The following RPS6KA5 variants were observed in gnomAD, a reference collection of about 807,000 sequenced individuals.
RPS6KA5 encodes ribosomal protein S6 kinase alpha-5.
RPS6KA5 carries 27 observed loss-of-function variants against 85.5 expected under a neutral mutation model. The ratio of observed to expected loss-of-function variants is 0.32; its 90% CI spans 0.23 to 0.44. The LOEUF is 0.44. Among genes scored for constraint, RPS6KA5 ranks in the 20% least tolerant of loss-of-function variants. The pLI, the probability that RPS6KA5 is intolerant of heterozygous loss-of-function variation, is 1.00. For missense variants in RPS6KA5, 811 were observed against 980.9 expected (o/e 0.83, Z 2.31); for synonymous variants, 334 against 348.2 (o/e 0.96, Z 0.46).
chr14:90,929,781 CG>C (rs1299955661), intron 5 of RPS6KA5, among the ~76,000 whole-genome samples: 3 of 152,086 alleles, frequency 2.0e-5, no homozygotes, highest in Non-Finnish European at 2.9e-5. Context: ...GGACGAAGGT[CG>C]GGGGAAAGGA....
At chr14:90,875,128 T>C (rs1440447191) in intron 15 of RPS6KA5, 73 bp downstream of exon 15, 4 of 1,351,862 alleles carry the variant, frequency 3.0e-6, no homozygotes, top group African/African-American at 2.9e-5. Flanking sequence ...CATATGAATG[T>C]ATGTGTAATG....
At chr14:91,029,727 A>C (rs1362811210) in intron 1 of RPS6KA5, among the ~76,000 whole-genome samples, 2 of 152,226 alleles carry the variant, frequency 1.3e-5, no homozygotes, top group African/African-American at 4.8e-5. Context: ...TAAATGCCTG[A>C]CACAAACCAG....
Position 90,868,624 on chromosome 14 carries a change from C to T in RPS6KA5, c.*3450G>A, listed in dbSNP as rs556388241. ...CAAAGTAATCAGGCAGTCTAAGGCA[C>T]ATATAGACCCAATAATTTAGAAATT... is the stretch of plus-strand genomic sequence containing the variant. On this transcript the variant is annotated 3_prime_UTR_variant, in exon 17 of 17. Transcript: ENST00000614987. 1 of 152,208 alleles carries T rather than the reference C, an allele frequency of 6.6e-6. No individual in the cohort carries two copies. Among genetic ancestry groups the T allele is most frequent in the African/African-American group, 2.4e-5 (1 of 41,526 alleles). 9.4% of individuals were successfully genotyped at this position (152,208 alleles called of 1,614,324 possible). A position where few individuals can be genotyped will look rare whatever the true frequency, so the allele number is the denominator to read the frequency against.
At chr14:90,919,217 G>A (rs775328144) in intron 7 of RPS6KA5, among the ~76,000 whole-genome samples, 24 of 152,240 alleles carry the variant, frequency 1.6e-4, no homozygotes, top group East Asian at 1.2e-3. Context: ...CCTGAACTGC[G>A]TCTGGGTTTT....
intron 14 of RPS6KA5, among the ~76,000 whole-genome samples, chr14:90,882,167 T>C (rs1300609201): frequency 1.3e-5 from 2 of 152,234 alleles, no homozygotes; most frequent in Non-Finnish European, 2.9e-5. Flanking sequence ...ATTTTCTTTG[T>C]GGTTCCCAAG....
chr14:90,924,475 T>C (rs186827903), intron 5 of RPS6KA5, among the ~76,000 whole-genome samples: 123 of 152,284 alleles, frequency 8.1e-4, no homozygotes, highest in African/African-American at 2.8e-3. Flanking sequence ...GAGTCTCTGA[T>C]AGGGGCAGGA....
At chr14:90,878,027 C>T (rs1305073745) in intron 14 of RPS6KA5, among the ~76,000 whole-genome samples, 2 of 152,074 alleles carry the variant, frequency 1.3e-5, no homozygotes, top group Admixed American at 6.5e-5. Flanking sequence ...ATCTTATTCT[C>T]CACTACTGTA....
chr14:90,901,099 T>C (rs930917879), intron 9 of RPS6KA5, among the ~76,000 whole-genome samples: 3 of 152,170 alleles, frequency 2.0e-5, no homozygotes, highest in Non-Finnish European at 4.4e-5. Context: ...GTCAAGGTAT[T>C]AAACAAAGTG....
chr14:90,927,941 T>TC lies in RPS6KA5; in HGVS notation c.619-4746_619-4745insG, dbSNP rs397725678. ...TCTCTTTCTTTCTTTTCTTTTCTTT[T>TC]TTTTTTTTTTTTGAGACAAGGTCTC... On this transcript the variant is annotated intron_variant, in intron 5 of 16. Coordinates refer to ENST00000614987, the MANE Select transcript of RPS6KA5 (RefSeq NM_004755.4). Among the ~76,000 whole-genome samples the TC allele has an allele frequency of 8.3e-3, 1,153 of 139,050 alleles. 4 individuals carry two copies. Among genetic ancestry groups the TC allele is most frequent in the South Asian group, 0.033 (145 of 4,330 alleles). The allele number at this position is 139,050 out of a possible 152,430, so 91.2% of individuals were successfully genotyped here. A position where few individuals can be genotyped will look rare whatever the true frequency, so the allele number is the denominator to read the frequency against.
chr14:90,938,582 T>A (rs979879575), intron 5 of RPS6KA5, among the ~76,000 whole-genome samples: 2 of 152,202 alleles, frequency 1.3e-5, no homozygotes, highest in African/African-American at 2.4e-5. Context: ...TTTCCACACA[T>A]CCTTTGAAAT....
chr14:90,909,394 GT>G (rs2035680276), intron 7 of RPS6KA5, among the ~76,000 whole-genome samples: 2 of 152,308 alleles, frequency 1.3e-5, no homozygotes, highest in Admixed American at 1.3e-4. Flanking sequence ...AGAGCCTTCT[GT>G]AAAGTCAGAA....
chr14:90,856,704 G>A lies in RPS6KA5; in HGVS notation c.*15370C>T, dbSNP rs1024157915. On this transcript the variant is annotated 3_prime_UTR_variant, in exon 17 of 17. Coordinates refer to ENST00000614987, the MANE Select transcript of RPS6KA5 (RefSeq NM_004755.4). ...AAATATAAGATAAAATTCATTTTAA[G>A]TGTACCATTCATTGTTTTTTACTAC... is the stretch of plus-strand genomic sequence containing the variant. The A allele has an allele frequency of 1.3e-5, 2 of 152,172 alleles. No individual in the cohort carries two copies. The highest frequency in any genetic ancestry group is 4.8e-5 in the African/African-American group (2 of 41,400). The allele number at this position is 152,172 out of a possible 1,614,324, so 9.4% of individuals were successfully genotyped here.
chr14:90,981,259 ATC>A (rs1285602920), intron 2 of RPS6KA5, among the ~76,000 whole-genome samples: 1 of 152,188 alleles, frequency 6.6e-6, no homozygotes, highest in South Asian at 2.1e-4. Flanking sequence ...AAAAAAGAGT[ATC>A]ACTCTTCTTC....
In RPS6KA5 at chr14:90,875,062, T is replaced by C. The variant is rs2033363535; in HGVS notation, c.1996+139A>G. Reference sequence around the variant, plus strand: ...GAATGTTCTGATAAGAAAACAAGGCTGAAGAGAGTAGCCTGGAAGCCTTTT... The same window carrying C: ...GAATGTTCTGATAAGAAAACAAGGCCGAAGAGAGTAGCCTGGAAGCCTTTT... On this transcript the variant is annotated intron_variant, in intron 15 of 16. Transcript: ENST00000614987. 5 of 802,350 alleles carry C rather than the reference T, an allele frequency of 6.2e-6. No individual in the cohort carries two copies. The East Asian group carries it at 1.2e-4, about 20-fold the overall frequency. The allele number at this position is 802,350 out of a possible 1,614,324, so 49.7% of individuals were successfully genotyped here.
At chr14:91,032,059 C>A (rs906777587) in intron 1 of RPS6KA5, among the ~76,000 whole-genome samples, 1 of 152,116 alleles carries the variant, frequency 6.6e-6, no homozygotes, top group South Asian at 2.1e-4. Context: ...ACTTAAACAC[C>A]GTTCTCACCA....
chr14:90,904,165 G>A (rs191978355), intron 8 of RPS6KA5, among the ~76,000 whole-genome samples: 35 of 152,178 alleles, frequency 2.3e-4, no homozygotes, highest in Admixed American at 1.6e-3. Context: ...TAGCCAGGAT[G>A]GTCTCGATCT....
At chr14:90,972,336 G>C (rs971298437) in intron 3 of RPS6KA5, among the ~76,000 whole-genome samples, 5 of 151,926 alleles carry the variant, frequency 3.3e-5, no homozygotes, top group Non-Finnish European at 7.4e-5. Context: ...AAAGATCAGG[G>C]GCAGAGGGCA....
At chr14:90,931,592 A>G (rs1156658883) in intron 5 of RPS6KA5, among the ~76,000 whole-genome samples, 2 of 152,202 alleles carry the variant, frequency 1.3e-5, no homozygotes, top group Non-Finnish European at 2.9e-5. Context: ...AGTACATTGG[A>G]TATTAAAATG....
intron 14 of RPS6KA5, among the ~76,000 whole-genome samples, chr14:90,887,795 T>TAAAAA (rs34873992): frequency 3.6e-5 from 5 of 139,768 alleles, no homozygotes; most frequent in African/African-American, 1.3e-4. Context: ...CTTTTCTATT[T>TAAAAA]AAAAAAAAAA....
Sources: gnomAD v4.1 joint callset for allele counts (sites outside exome capture counted in the v4.1 genomes callset) on GRCh38, gnomAD v4.1.1 for gene constraint, MANE v1.5 for transcripts, NCBI Gene and HGNC (gene_info 2026-07-23, HGNC 2026-07-21) for gene names.